The following THSD7B variants were observed in gnomAD, a reference collection of about 807,000 sequenced individuals.
THSD7B encodes the protein thrombospondin type 1 domain containing 7B.
THSD7B carries 138 observed loss-of-function variants against 213.6 expected under a neutral mutation model. The observed-to-expected ratio is 0.65, with a 90% CI of 0.56 to 0.74. The LOEUF (loss-of-function observed/expected upper bound fraction) is 0.74. Among genes scored for constraint, THSD7B ranks in the 30% least tolerant of loss-of-function variants. The probability of loss-of-function intolerance (pLI) is 0.00; values close to 1 mark genes in which losing one functional copy is unlikely to be tolerated. For synonymous variants in THSD7B, 742 were observed against 687.0 expected (o/e 1.08, Z -1.25); for missense variants, 1,931 against 1,991.5 (o/e 0.97, Z 0.58).
intron 3 of THSD7B, among the ~76,000 whole-genome samples, chr2:137,062,386 T>C (rs1212907249): frequency 6.6e-6 from 1 of 151,748 alleles, no homozygotes; most frequent in Non-Finnish European, 1.5e-5. Flanking sequence ...TTAGATTTAA[T>C]TGCTCTTCTT....
intron 1 of THSD7B, among the ~76,000 whole-genome samples, chr2:136,843,220 G>C (rs1401653468): frequency 6.6e-6 from 1 of 151,848 alleles, no homozygotes; most frequent in African/African-American, 2.4e-5. Context: ...TTGGAAGTAA[G>C]GCAATGTCCC....
chr2:137,282,333 G>A lies in THSD7B; in HGVS notation c.2500+6307G>A, dbSNP rs1326320349. ...TTTGTCAGATGAGTAGGTTGCAAAA[G>A]TTTTCTCCCGTTCTGTAGGTTGCCT... On this transcript the variant is annotated intron_variant, in intron 12 of 27. Transcript: ENST00000409968. Among the ~76,000 whole-genome samples, 5 of 151,536 alleles carry A rather than the reference G, an allele frequency of 3.3e-5. No homozygotes were observed. The East Asian group carries it at 9.7e-4, about 29-fold the overall frequency.
intron 15 of THSD7B, among the ~76,000 whole-genome samples, chr2:137,511,747 A>T (rs1380747745): frequency 6.6e-6 from 1 of 152,148 alleles, no homozygotes; most frequent in Admixed American, 6.5e-5. Context: ...AATTCCCCCT[A>T]GGCTTTCAGT....
rs544794663 is a variant in THSD7B, at chr2:137,666,725, T to A, written c.4652-1049T>A. Among the ~76,000 whole-genome samples the A allele has an allele frequency of 2.0e-4, 31 of 152,202 alleles. No homozygotes were observed. In the South Asian group the frequency reaches 5.0e-3, roughly 24 times the overall value. On this transcript the variant is annotated intron_variant, in intron 26 of 27. Coordinates refer to ENST00000409968, the MANE Select transcript of THSD7B (RefSeq NM_001316349.2). The stretch of plus-strand genomic sequence containing the variant: ...AAGTTTAGTTAGCTATATGCTCATA[T>A]AAAATAGAGCAAAAAGACATTAGAG...
At chr2:137,135,545 A>T (rs568836695) in intron 5 of THSD7B, among the ~76,000 whole-genome samples, 2 of 152,288 alleles carry the variant, frequency 1.3e-5, no homozygotes, top group East Asian at 3.9e-4. Flanking sequence ...TTCTTAACAG[A>T]TTTAGCCCAT....
rs1466788905 is a variant in THSD7B at position 137,395,853 on chromosome 2, T to C, written c.2501-9760T>C. ...CCACAATTTCAGCTCCTGTTATTGGTCTATTCAGAGATTCAACTTCTTCCT... is the reference window on the plus strand; with the variant it reads ...CCACAATTTCAGCTCCTGTTATTGGCCTATTCAGAGATTCAACTTCTTCCT... On this transcript the variant is annotated intron_variant, in intron 12 of 27. Transcript: ENST00000409968. Among the ~76,000 whole-genome samples, 4 of 149,350 alleles carry C rather than the reference T, an allele frequency of 2.7e-5. No homozygotes were observed. In the South Asian group the frequency reaches 8.6e-4, roughly 32 times the overall value.
intron 7 of THSD7B, among the ~76,000 whole-genome samples, chr2:137,210,044 TAG>T (rs142229514): frequency 0.055 from 8,338 of 152,162 alleles, 369 homozygotes; most frequent in Middle Eastern, 0.092. Context: ...CTGCAAGCCA[TAG>T]AGAGAGACCT....
chr2:137,221,219 G>A (rs1037179643), intron 7 of THSD7B, among the ~76,000 whole-genome samples: 5 of 152,040 alleles, frequency 3.3e-5, no homozygotes, highest in Admixed American at 1.3e-4. Flanking sequence ...CCCGGGAGGC[G>A]GAGCTTGCAG....
At chr2:137,005,274 T>A (rs1375652164) in intron 2 of THSD7B, among the ~76,000 whole-genome samples, 2 of 152,168 alleles carry the variant, frequency 1.3e-5, no homozygotes, top group Non-Finnish European at 2.9e-5. Context: ...GCTGGAAGAG[T>A]TGAAAGGTTC....
chr2:136,814,633 C>T (rs927038960), intron 1 of THSD7B, among the ~76,000 whole-genome samples: 1 of 152,100 alleles, frequency 6.6e-6, no homozygotes, highest in Non-Finnish European at 1.5e-5. Flanking sequence ...CTCCTGACCT[C>T]GTGATCTGCC....
chr2:137,111,256 C>T (rs1424689042), intron 4 of THSD7B, among the ~76,000 whole-genome samples: 1 of 152,112 alleles, frequency 6.6e-6, no homozygotes, highest in African/African-American at 2.4e-5. Context: ...TTTGTCTACA[C>T]CCAGAACACA....
intron 7 of THSD7B, among the ~76,000 whole-genome samples, chr2:137,216,771 C>CT (rs1172900117): frequency 4.6e-5 from 7 of 152,110 alleles, no homozygotes; most frequent in Non-Finnish European, 1.0e-4. Context: ...TCTCCACAAA[C>CT]TTGAATAAGT....
At chr2:136,891,268 T>C (rs1434708490) in intron 2 of THSD7B, among the ~76,000 whole-genome samples, 3 of 152,178 alleles carry the variant, frequency 2.0e-5, no homozygotes, top group Non-Finnish European at 4.4e-5. Flanking sequence ...TGAGCTTTCT[T>C]CTAATGTCTA....
rs145615673 is a variant in THSD7B, at chr2:137,600,715, G to T, written c.3424-15460G>T. 2.9e-3 allele frequency among the ~76,000 whole-genome samples: 449 copies of T among 152,256 alleles called. 2 individuals carry two copies. The highest frequency in any genetic ancestry group is 7.3e-3 in the Admixed American group (111 of 15,286). On this transcript the variant is annotated intron_variant, in intron 17 of 27. Transcript: ENST00000409968. ...ATCATGCCACTGCACTCCAGTGTGG[G>T]CAACAGAGAGACCATTTCAAAAACA... is the stretch of plus-strand genomic sequence containing the variant.
At chr2:136,935,311 T>C (rs371455643) in intron 2 of THSD7B, among the ~76,000 whole-genome samples, 3 of 152,158 alleles carry the variant, frequency 2.0e-5, no homozygotes, top group South Asian at 2.1e-4. Context: ...ATTACTACAC[T>C]TTTCTGAGCC....
At chr2:136,930,183 A>G (rs1451317130) in intron 2 of THSD7B, among the ~76,000 whole-genome samples, 1 of 152,222 alleles carries the variant, frequency 6.6e-6, no homozygotes, top group Admixed American at 6.5e-5. Context: ...ATGATTCCAC[A>G]TGAATGCTGT....
intron 15 of THSD7B, among the ~76,000 whole-genome samples, chr2:137,517,542 G>C (rs1192578460): frequency 6.6e-6 from 1 of 152,208 alleles, no homozygotes; most frequent in African/African-American, 2.4e-5. Flanking sequence ...TGTCTAGTGG[G>C]CCTATTTGAA....
At chr2:137,547,742 T>G (rs1380543020) in intron 15 of THSD7B, among the ~76,000 whole-genome samples, 1 of 151,992 alleles carries the variant, frequency 6.6e-6, no homozygotes, top group Admixed American at 6.6e-5. Context: ...GTCCTCCTTT[T>G]GTTCTGTCCT....
intron 2 of THSD7B, among the ~76,000 whole-genome samples, chr2:136,999,848 C>CA (rs1685968631): frequency 1.3e-5 from 2 of 152,194 alleles, no homozygotes; most frequent in African/African-American, 4.8e-5. Flanking sequence ...AAGGCTCAGT[C>CA]AAGAGAATCC....
Sources: gnomAD v4.1 joint callset for allele counts (sites outside exome capture counted in the v4.1 genomes callset) on GRCh38, gnomAD v4.1.1 for gene constraint, MANE v1.5 for transcripts, NCBI Gene and HGNC (gene_info 2026-07-23, HGNC 2026-07-21) for gene names.